Variants in RUVBL1 observed in about 807,000 individuals in gnomAD.
RUVBL1 encodes ruvB-like 1.
In RUVBL1, 4 loss-of-function variants were observed where a neutral mutation model predicts 52.4. That is an observed-to-expected ratio of 0.08 (90% CI 0.04 to 0.17). RUVBL1 has a LOEUF of 0.17. Among genes scored for constraint, RUVBL1 ranks in the 10% least tolerant of loss-of-function variants. RUVBL1 has a pLI of 1.00. For missense variants in RUVBL1, 298 were observed against 572.8 expected (o/e 0.52, Z 4.90); for synonymous variants, 217 against 214.4 (o/e 1.01, Z -0.10).
At chr3:128,104,972 C>G in intron 3 of RUVBL1, 48 bp from the exon 4 acceptor site, 1 of 1,566,154 alleles carries the variant, frequency 6.4e-7, no homozygotes, top group Non-Finnish European at 8.7e-7. Context: ...AATCTTTTCT[C>G]TCACACTGAG....
intron 3 of RUVBL1, among the ~76,000 whole-genome samples, chr3:128,109,526 G>A (rs1943327117): frequency 6.6e-6 from 1 of 151,754 alleles, no homozygotes; most frequent in Non-Finnish European, 1.5e-5. Context: ...TTTGAGACAG[G>A]GTCTCACTGT....
intron 1 of RUVBL1, among the ~76,000 whole-genome samples, chr3:128,121,534 A>T (rs1055904500): frequency 6.6e-6 from 1 of 150,514 alleles, no homozygotes; most frequent in East Asian, 2.0e-4. Context: ...ACATGGTGAA[A>T]CCCTGTCTCT....
chr3:128,097,093 C>A (rs1942998199), intron 8 of RUVBL1, among the ~76,000 whole-genome samples: 2 of 152,114 alleles, frequency 1.3e-5, no homozygotes, highest in Admixed American at 1.3e-4. Context: ...ACGTGGGAGA[C>A]CCTCCTCATG....
intron 9 of RUVBL1, chr3:128,070,176 C>T (rs1942119364): frequency 6.5e-6 from 1 of 152,760 alleles, no homozygotes; most frequent in Non-Finnish European, 1.5e-5. Flanking sequence ...AGGACTGTTT[C>T]TCTCTAAGAC....
chr3:128,148,714 T>C (rs1468834914), intron 1 of RUVBL1, among the ~76,000 whole-genome samples: 1 of 152,216 alleles, frequency 6.6e-6, no homozygotes, highest in African/African-American at 2.4e-5. Context: ...TGTATCCTTG[T>C]AGGGCTATTC....
chr3:128,151,211 TAC>T lies in RUVBL1; in HGVS notation c.-40+1990_-40+1991del, dbSNP rs1353460922. On this transcript the variant is annotated intron_variant, in intron 1 of 9. Transcript: ENST00000464873. ...ATATATACTCTATATATTCTATATA[TAC>T]ACTGTATATATTCTATATATATATA... Among the ~76,000 whole-genome samples, 16 of 135,552 alleles carry T rather than the reference TAC, an allele frequency of 1.2e-4. 1 individual carries two copies. Among genetic ancestry groups the T allele is most frequent in the East Asian group, 8.1e-4 (4 of 4,936 alleles). The allele number at this position is 135,552 out of a possible 152,430, so 88.9% of individuals were successfully genotyped here. A position where few individuals can be genotyped will look rare whatever the true frequency, so the allele number is the denominator to read the frequency against.
At chr3:128,119,779 C>T (rs1943602440) in intron 1 of RUVBL1, among the ~76,000 whole-genome samples, 1 of 152,124 alleles carries the variant, frequency 6.6e-6, no homozygotes, top group Non-Finnish European at 1.5e-5. Context: ...GTCAGCGTTC[C>T]AGGCAAAGAA....
At chr3:128,144,246 T>C (rs753070188) in intron 1 of RUVBL1, among the ~76,000 whole-genome samples, 2 of 152,214 alleles carry the variant, frequency 1.3e-5, no homozygotes, top group Non-Finnish European at 2.9e-5. Flanking sequence ...AAAGACTCTT[T>C]AAAGCCAAAA....
chr3:128,096,040 T>C (rs965068567), intron 8 of RUVBL1, among the ~76,000 whole-genome samples: 8 of 152,174 alleles, frequency 5.3e-5, no homozygotes, highest in Non-Finnish European at 1.0e-4. Context: ...TCAGTTTGGC[T>C]CCAGCTGTGT....
intron 2 of RUVBL1, among the ~76,000 whole-genome samples, chr3:128,114,904 C>T (rs1272804108): frequency 2.0e-5 from 3 of 152,042 alleles, no homozygotes; most frequent in Non-Finnish European, 4.4e-5. Flanking sequence ...CAGTTTTGAA[C>T]TTCAAAGACA....
chr3:128,150,666 CATATATTCTATATATATTCTATAT>C (rs1373226400), intron 1 of RUVBL1, among the ~76,000 whole-genome samples: 1 of 125,508 alleles, frequency 8.0e-6, no homozygotes, highest in Non-Finnish European at 1.6e-5. Context: ...ATATTCTATA[CATATATTCTATATATATTCTATAT>C]ATTATATATT....
intron 1 of RUVBL1, among the ~76,000 whole-genome samples, chr3:128,135,763 CA>C (rs1943939028): frequency 6.6e-6 from 1 of 152,164 alleles, no homozygotes; most frequent in Admixed American, 6.5e-5. Flanking sequence ...CCTGAAGGTG[CA>C]AAACTCATTG....
At chr3:128,131,032 T>C (rs1254551520) in intron 1 of RUVBL1, among the ~76,000 whole-genome samples, 2 of 151,310 alleles carry the variant, frequency 1.3e-5, no homozygotes, top group African/African-American at 4.9e-5. Context: ...GGCGGTAGGA[T>C]CACTCAGGCC....
At chr3:128,133,915 G>A (rs1164333701) in intron 1 of RUVBL1, among the ~76,000 whole-genome samples, 1 of 152,154 alleles carries the variant, frequency 6.6e-6, no homozygotes, top group Non-Finnish European at 1.5e-5. Flanking sequence ...TAAGGCACCA[G>A]TGATCAATCC....
intron 2 of RUVBL1, among the ~76,000 whole-genome samples, chr3:128,117,633 G>C (rs950998081): frequency 7.4e-5 from 11 of 148,832 alleles, no homozygotes; most frequent in Non-Finnish European, 1.5e-4. Context: ...TTTTTTTTGA[G>C]ACGTAGTCTT....
chr3:128,071,360 C>G (rs1278477847), intron 9 of RUVBL1: 1 of 152,558 alleles, frequency 6.6e-6, no homozygotes. Flanking sequence ...ACTGCCCTGT[C>G]TGCTCTGCTG....
intron 1 of RUVBL1, among the ~76,000 whole-genome samples, chr3:128,133,873 C>T (rs978435451): frequency 2.6e-5 from 4 of 152,090 alleles, no homozygotes; most frequent in Non-Finnish European, 5.9e-5. Context: ...CAAGGCTATC[C>T]GTGAAAACAT....
At chr3:128,084,931 G>A (rs1942595109) in intron 9 of RUVBL1, 1 of 152,244 alleles carries the variant, frequency 6.6e-6, no homozygotes, top group South Asian at 2.1e-4. Context: ...TGTCCTAGAA[G>A]CACAGTACAG....
rs1427315158 is a variant in RUVBL1, at chr3:128,153,217, T to C, written c.-54A>G. 16 of 1,318,724 alleles carry C rather than the reference T, an allele frequency of 1.2e-5. No homozygotes were observed. The East Asian group carries it at 3.6e-4, about 30-fold the overall frequency. The allele number at this position is 1,318,724 out of a possible 1,614,324, so 81.7% of individuals were successfully genotyped here. A position where few individuals can be genotyped will look rare whatever the true frequency, so the allele number is the denominator to read the frequency against. On this transcript the variant is annotated 5_prime_UTR_variant, in exon 1 of 10. Coordinates refer to the RUVBL1 transcript ENST00000464873. ...TCTCCACTCACCCAGAAAGTCCAAATGGCTTCACTTCTCAGAAGGATCCCT... is the reference window on the plus strand; with the variant it reads ...TCTCCACTCACCCAGAAAGTCCAAACGGCTTCACTTCTCAGAAGGATCCCT...
Sources: allele counts gnomAD v4.1 joint callset (sites outside exome capture counted in the v4.1 genomes callset), GRCh38; gene constraint gnomAD v4.1.1; transcripts MANE v1.5; gene names NCBI Gene and HGNC (gene_info 2026-07-23, HGNC 2026-07-21).